The following STRN variants were observed in gnomAD, a reference collection of about 807,000 sequenced individuals.
STRN encodes protein phosphatase 2 regulatory subunit B'''alpha.
In STRN, 53 loss-of-function variants were observed where a neutral mutation model predicts 96.3. The observed-to-expected ratio is 0.55, with a 90% CI of 0.44 to 0.69. The LOEUF (loss-of-function observed/expected upper bound fraction) is 0.69, where lower values mean the gene tolerates loss of function less well. STRN is among the 30% of genes least tolerant of loss of function. The pLI is 0.00. For synonymous variants in STRN, 428 were observed against 355.9 expected (o/e 1.20, Z -2.28); for missense variants, 987 against 963.9 (o/e 1.02, Z -0.32).
intron 8 of STRN, among the ~76,000 whole-genome samples, chr2:36,886,447 G>T (rs754866538): frequency 3.3e-5 from 5 of 152,132 alleles, no homozygotes; most frequent in Non-Finnish European, 7.4e-5. Flanking sequence ...CACTGTGTTT[G>T]AATACATAGC....
At chr2:36,932,954 G>C (rs553094073) in intron 1 of STRN, among the ~76,000 whole-genome samples, 3 of 152,104 alleles carry the variant, frequency 2.0e-5, no homozygotes, top group South Asian at 4.2e-4. Context: ...CTCAGAACTC[G>C]AATCAGTCAG....
intron 3 of STRN, among the ~76,000 whole-genome samples, chr2:36,910,332 AT>A (rs554019695): frequency 2.0e-5 from 3 of 152,058 alleles, no homozygotes; most frequent in African/African-American, 4.8e-5. Context: ...AGTATTGGGA[AT>A]TTTTTTTCAT....
chr2:36,938,806 A>G (rs191471707), intron 1 of STRN, among the ~76,000 whole-genome samples: 25 of 152,318 alleles, frequency 1.6e-4, no homozygotes, highest in African/African-American at 5.3e-4. Context: ...CAAGTTCTCT[A>G]TTAGACATAA....
chr2:36,860,082 G>A (rs1464447743), intron 13 of STRN, among the ~76,000 whole-genome samples: 4 of 152,152 alleles, frequency 2.6e-5, no homozygotes, highest in African/African-American at 9.7e-5. Flanking sequence ...GACCAGAATG[G>A]AAGATACCCG....
At chr2:36,942,771 C>A (rs1305128747) in intron 1 of STRN, among the ~76,000 whole-genome samples, 1 of 152,134 alleles carries the variant, frequency 6.6e-6, no homozygotes, top group Admixed American at 6.5e-5. Flanking sequence ...TCTCAGCTCA[C>A]TGCAACCTCC....
rs559973720 is a variant in STRN at position 36,855,652 on chromosome 2, T to C, written c.1838-300A>G. 4.6e-5 allele frequency among the ~76,000 whole-genome samples: 7 copies of C among 152,310 alleles called. No homozygotes were observed. In the South Asian group the frequency reaches 1.5e-3, roughly 32 times the overall value. On this transcript the variant is annotated intron_variant, in intron 14 of 17. Transcript: ENST00000263918. ...GAAAACATGTATGAATTACAAATTT[T>C]GCTGCTTCCGCCCAACCTCAAGCTT... is the stretch of plus-strand genomic sequence containing the variant.
chr2:36,906,356 G>C (rs1050702505), intron 3 of STRN, among the ~76,000 whole-genome samples: 1 of 152,042 alleles, frequency 6.6e-6, no homozygotes, highest in African/African-American at 2.4e-5. Context: ...CTACTAGGGA[G>C]GCTTAGGTGG....
At chr2:36,956,157 A>G (rs1006988385) in intron 1 of STRN, among the ~76,000 whole-genome samples, 1 of 152,226 alleles carries the variant, frequency 6.6e-6, no homozygotes, top group African/African-American at 2.4e-5. Context: ...TAAACGGATC[A>G]CTGAAACTGG....
chr2:36,870,667 T>G (rs556615634), intron 10 of STRN, among the ~76,000 whole-genome samples: 1 of 152,332 alleles, frequency 6.6e-6, no homozygotes, highest in South Asian at 2.1e-4. Flanking sequence ...CACATATAAT[T>G]ATGTACAGAA....
At chr2:36,886,884 G>C (rs1053767953) in intron 7 of STRN, 58 bp from the exon 8 acceptor site, 3 of 1,357,418 alleles carry the variant, frequency 2.2e-6, no homozygotes, top group Non-Finnish European at 3.1e-6. Context: ...AACACTCTGA[G>C]TCAGTATGTC....
chr2:36,925,246 CAAAA>C lies in STRN; in HGVS notation c.235-42_235-39del, dbSNP rs760567252. 7 of 1,320,756 alleles carry C rather than the reference CAAAA, an allele frequency of 5.3e-6. No individual in the cohort carries two copies. The East Asian group carries it at 1.9e-4, about 36-fold the overall frequency. 81.8% of individuals were successfully genotyped at this position (1,320,756 alleles called of 1,614,324 possible). On this transcript the variant is annotated intron_variant, in intron 1 of 17. Transcript: ENST00000263918. Reference sequence around the variant, plus strand: ...AAGACAGAAAAAATTCAGTTTAGACCAAAAAAAAAAGTTTTTTTAACTCAGTAAA... The same window carrying C: ...AAGACAGAAAAAATTCAGTTTAGACCAAAAAAGTTTTTTTAACTCAGTAAA...
At chr2:36,891,137 GGAGCATTTCAGATTTC>G (rs1316804538) in intron 7 of STRN, among the ~76,000 whole-genome samples, 1 of 152,142 alleles carries the variant, frequency 6.6e-6, no homozygotes, top group Non-Finnish European at 1.5e-5. Flanking sequence ...TTCAGAATTT[GGAGCATTTCAGATTTC>G]GAATTTCACA....
chr2:36,955,537 G>A (rs2148274167), intron 1 of STRN, among the ~76,000 whole-genome samples: 1 of 152,256 alleles, frequency 6.6e-6, no homozygotes, highest in South Asian at 2.1e-4. Flanking sequence ...TTTCTCCTCT[G>A]CCTCTGCTCT....
At chr2:36,909,314 G>T (rs1669906585) in intron 3 of STRN, among the ~76,000 whole-genome samples, 1 of 151,856 alleles carries the variant, frequency 6.6e-6, no homozygotes, top group African/African-American at 2.4e-5. Context: ...TTCAAAAAGT[G>T]ACATTATATA....
At chr2:36,878,313 G>T (rs573606377) in intron 9 of STRN, among the ~76,000 whole-genome samples, 1 of 152,140 alleles carries the variant, frequency 6.6e-6, no homozygotes, top group African/African-American at 2.4e-5. Flanking sequence ...AATGACTATA[G>T]GAAAGTAAGT....
At chr2:36,952,290 G>A (rs6749967) in intron 1 of STRN, among the ~76,000 whole-genome samples, 143,886 of 152,220 alleles carry the variant, frequency 0.95, 68,097 homozygotes, top group East Asian at 1. Flanking sequence ...CTTCTGCTTT[G>A]TAATACAAGC....
In STRN at chr2:36,867,879, G is replaced by A; in HGVS notation, c.1500-18C>T. The A allele has an allele frequency of 6.4e-7, 1 of 1,574,296 alleles. No individual in the cohort carries two copies. The highest frequency in any genetic ancestry group is 8.6e-7 in the Non-Finnish European group (1 of 1,162,724). Reference sequence around the variant, plus strand: ...AAGTGCTCCTAAATCAGAGAGAGATGACTTTACCATTCTAAGTGTCAGTAA... The same window carrying A: ...AAGTGCTCCTAAATCAGAGAGAGATAACTTTACCATTCTAAGTGTCAGTAA... On this transcript the variant is annotated intron_variant, in intron 11 of 17. Transcript: ENST00000263918.
intron 3 of STRN, among the ~76,000 whole-genome samples, chr2:36,908,262 T>C (rs947668937): frequency 1.3e-5 from 2 of 152,212 alleles, no homozygotes; most frequent in Non-Finnish European, 2.9e-5. Flanking sequence ...TATGCCATCC[T>C]CAAATATACT....
At position 36,847,921 on chromosome 2, in the gene STRN, G is replaced by A. The variant is rs1668120958; in HGVS notation, c.*1535C>T. 1 of 152,144 alleles carries A rather than the reference G, an allele frequency of 6.6e-6. No individual in the cohort carries two copies. Among genetic ancestry groups the A allele is most frequent in the South Asian group, 2.1e-4 (1 of 4,830 alleles). 9.4% of individuals were successfully genotyped at this position (152,144 alleles called of 1,614,324 possible). A position where few individuals can be genotyped will look rare whatever the true frequency, so the allele number is the denominator to read the frequency against. On this transcript the variant is annotated 3_prime_UTR_variant, in exon 18 of 18. Coordinates refer to ENST00000263918, the MANE Select transcript of STRN (RefSeq NM_003162.4). ...GATTTAATATTTTTAAAATCTAAGA[G>A]CCTATTTATATGTTTTTTGGTGGAA...
Sources: gnomAD v4.1 joint callset for allele counts (sites outside exome capture counted in the v4.1 genomes callset) on GRCh38, gnomAD v4.1.1 for gene constraint, MANE v1.5 for transcripts, NCBI Gene and HGNC (gene_info 2026-07-23, HGNC 2026-07-21) for gene names.